The following ST6GALNAC3 variants were observed in gnomAD, a reference collection of about 807,000 sequenced individuals.
ST6GALNAC3 encodes ST6 N-acetylgalactosaminide alpha-2,6-sialyltransferase 3, also known as alpha-N-acetylgalactosaminide alpha-2,6-sialyltransferase 3.
ST6GALNAC3 carries 25 observed loss-of-function variants against 32.7 expected under a neutral mutation model. The ratio of observed to expected loss-of-function variants is 0.76; its 90% CI spans 0.56 to 1.07. ST6GALNAC3 has a LOEUF of 1.07. Among genes scored for constraint, ST6GALNAC3 ranks in the 50% least tolerant of loss-of-function variants. ST6GALNAC3 has a pLI of 0.00. For missense variants in ST6GALNAC3, 355 were observed against 382.4 expected (o/e 0.93, Z 0.60); for synonymous variants, 129 against 133.1 (o/e 0.97, Z 0.21).
intron 1 of ST6GALNAC3, among the ~76,000 whole-genome samples, chr1:76,258,372 A>G (rs181690245): frequency 1.3e-5 from 2 of 152,318 alleles, no homozygotes; most frequent in East Asian, 3.9e-4. Context: ...TGAAAGGCCA[A>G]ATATCTTCAT....
At chr1:76,289,975 A>G (rs537137722) in intron 1 of ST6GALNAC3, among the ~76,000 whole-genome samples, 3 of 152,352 alleles carry the variant, frequency 2.0e-5, no homozygotes, top group South Asian at 4.1e-4. Flanking sequence ...GGCAGAGTGA[A>G]TAGTAAAAGT....
intron 2 of ST6GALNAC3, among the ~76,000 whole-genome samples, chr1:76,352,354 C>T (rs565791992): frequency 7.7e-6 from 1 of 130,272 alleles, no homozygotes; most frequent in East Asian, 2.0e-4. Flanking sequence ...TCCAACTTGA[C>T]TATTTCCTCC....
At chr1:76,177,582 T>C (rs1652928111) in intron 1 of ST6GALNAC3, among the ~76,000 whole-genome samples, 2 of 152,188 alleles carry the variant, frequency 1.3e-5, no homozygotes, top group South Asian at 4.1e-4. Context: ...TTTCTTCCCA[T>C]CCGTGCCTTC....
In ST6GALNAC3 at chr1:76,181,585, T is replaced by C. The variant is rs183407731; in HGVS notation, c.18+106701T>C. ...TTTAATCAACATGCAATATTTTATG[T>C]GCCTTATTACCATGTGTTAAGAAGG... On this transcript the variant is annotated intron_variant, in intron 1 of 4. Transcript: ENST00000328299. 4.8e-4 allele frequency among the ~76,000 whole-genome samples: 73 copies of C among 152,350 alleles called. 1 individual carries two copies. In the East Asian group the frequency reaches 0.012, roughly 24 times the overall value.
intron 2 of ST6GALNAC3, among the ~76,000 whole-genome samples, chr1:76,403,837 G>A (rs2101233159): frequency 6.6e-6 from 1 of 152,136 alleles, no homozygotes; most frequent in East Asian, 1.9e-4. Flanking sequence ...AATTATCCAA[G>A]TTTTACTGTG....
At chr1:76,095,621 A>G (rs1376258828) in intron 1 of ST6GALNAC3, among the ~76,000 whole-genome samples, 1 of 152,218 alleles carries the variant, frequency 6.6e-6, no homozygotes, top group Admixed American at 6.5e-5. Context: ...AGGGCTGATC[A>G]TGAAGAAGAT....
chr1:76,086,823 C>T (rs761947871), intron 1 of ST6GALNAC3, among the ~76,000 whole-genome samples: 1 of 152,176 alleles, frequency 6.6e-6, no homozygotes, highest in South Asian at 2.1e-4. Context: ...CATGTCATCC[C>T]TCACACCTTT....
At chr1:76,613,021 G>T (rs1006593369) in intron 3 of ST6GALNAC3, among the ~76,000 whole-genome samples, 2 of 152,162 alleles carry the variant, frequency 1.3e-5, no homozygotes, top group African/African-American at 4.8e-5. Context: ...GGGTGCATGG[G>T]GGCAACCAAA....
chr1:76,152,444 T>G (rs752158934), intron 1 of ST6GALNAC3, among the ~76,000 whole-genome samples: 9 of 152,174 alleles, frequency 5.9e-5, no homozygotes, highest in Non-Finnish European at 1.3e-4. Flanking sequence ...ACCACATACT[T>G]GTGGAGCCAC....
At chr1:76,153,278 G>A (rs1234663721) in intron 1 of ST6GALNAC3, among the ~76,000 whole-genome samples, 6 of 151,996 alleles carry the variant, frequency 3.9e-5, no homozygotes, top group African/African-American at 7.3e-5. Context: ...GAAGTTGCCC[G>A]TTCTTGAAGG....
chr1:76,598,959 T>A (rs1398580887), intron 3 of ST6GALNAC3, among the ~76,000 whole-genome samples: 2 of 152,168 alleles, frequency 1.3e-5, no homozygotes, highest in African/African-American at 4.8e-5. Flanking sequence ...AAAGAGAAAA[T>A]AACGATGAAA....
intron 1 of ST6GALNAC3, among the ~76,000 whole-genome samples, chr1:76,176,406 T>A (rs1382925437): frequency 6.6e-6 from 1 of 152,200 alleles, no homozygotes; most frequent in Non-Finnish European, 1.5e-5. Context: ...TTTTTTCTAG[T>A]GCTTTAAACA....
downstream of ST6GALNAC3, among the ~76,000 whole-genome samples, chr1:76,635,149 C>G (rs1363934318): frequency 6.6e-6 from 1 of 152,116 alleles, no homozygotes; most frequent in Non-Finnish European, 1.5e-5. Context: ...AGCACATAAG[C>G]TGCATAGAAC....
chr1:76,402,523 T>C lies in ST6GALNAC3; in HGVS notation c.214-9485T>C, dbSNP rs189681072. ...ACCATGATCTCCTGACTAGCTGCTT[T>C]CTTCATTCTTGCCTCTGTGTTCCAG... On this transcript the variant is annotated intron_variant, in intron 2 of 4. Transcript: ENST00000328299. Among the ~76,000 whole-genome samples the C allele has an allele frequency of 3.4e-4, 52 of 152,288 alleles. 1 individual carries two copies. Among genetic ancestry groups the C allele is most frequent in the African/African-American group, 1.2e-3 (50 of 41,568 alleles).
chr1:76,349,494 C>G (rs1648799619), intron 2 of ST6GALNAC3, among the ~76,000 whole-genome samples: 1 of 152,102 alleles, frequency 6.6e-6, no homozygotes, highest in Admixed American at 6.6e-5. Context: ...AGAAAAAACA[C>G]CCTGAAAGCC....
chr1:76,216,073 C>T (rs1329178219), intron 1 of ST6GALNAC3, among the ~76,000 whole-genome samples: 2 of 152,166 alleles, frequency 1.3e-5, no homozygotes, highest in Non-Finnish European at 2.9e-5. Flanking sequence ...CCACACTGGT[C>T]TCATAGATGT....
intron 3 of ST6GALNAC3, among the ~76,000 whole-genome samples, chr1:76,551,983 C>G (rs1396974017): frequency 6.6e-6 from 1 of 152,154 alleles, no homozygotes; most frequent in Non-Finnish European, 1.5e-5. Context: ...GTGACAGCAG[C>G]CAGGAGCAGC....
At chr1:76,548,255 G>C (rs1664415444) in intron 3 of ST6GALNAC3, among the ~76,000 whole-genome samples, 1 of 152,032 alleles carries the variant, frequency 6.6e-6, no homozygotes, top group Non-Finnish European at 1.5e-5. Context: ...CTTCTAAAAG[G>C]CCACCCTATG....
rs1211703628 is a variant in ST6GALNAC3, at chr1:76,434,784, G to GTTTTT, written c.623+22387_623+22391dup. ...CTTTTTACTGCCTTTTTTTTTCTCTGTTTTTTTTTTTTTTTTTTTTTTTTG... is the reference window on the plus strand; with the variant it reads ...CTTTTTACTGCCTTTTTTTTTCTCTGTTTTTTTTTTTTTTTTTTTTTTTTTTTTTG... On this transcript the variant is annotated intron_variant, in intron 3 of 4. Coordinates refer to ENST00000328299, the MANE Select transcript of ST6GALNAC3 (RefSeq NM_152996.4). Among the ~76,000 whole-genome samples the GTTTTT allele has an allele frequency of 5.1e-3, 366 of 72,220 alleles. 7 individuals are homozygous for GTTTTT. The highest frequency in any genetic ancestry group is 6.6e-3 in the Non-Finnish European group (265 of 39,930). 47.4% of individuals were successfully genotyped at this position (72,220 alleles called of 152,430 possible).
Sources: allele counts gnomAD v4.1 joint callset (sites outside exome capture counted in the v4.1 genomes callset), GRCh38; gene constraint gnomAD v4.1.1; transcripts MANE v1.5; gene names NCBI Gene and HGNC (gene_info 2026-07-23, HGNC 2026-07-21).